The following MTHFD2L variants were observed in gnomAD, a reference collection of about 807,000 sequenced individuals.
MTHFD2L encodes the protein bifunctional methylenetetrahydrofolate dehydrogenase/cyclohydrolase 2, mitochondrial.
Under a neutral mutation model 34.9 loss-of-function variants are expected in MTHFD2L, and 29 were observed. The ratio of observed to expected loss-of-function variants is 0.83; its 90% CI spans 0.62 to 1.13. The LOEUF (loss-of-function observed/expected upper bound fraction) is 1.13, where lower values mean the gene tolerates loss of function less well. Ranked by LOEUF, MTHFD2L falls within the 50% of genes most tolerant of loss-of-function variation. The pLI, the probability that MTHFD2L is intolerant of heterozygous loss-of-function variation, is 0.00. For synonymous variants in MTHFD2L, 167 were observed against 155.7 expected (o/e 1.07, Z -0.54); for missense variants, 481 against 446.5 (o/e 1.08, Z -0.70).
chr4:74,165,722 T>A (rs1726554869), intron 1 of MTHFD2L, among the ~76,000 whole-genome samples: 1 of 152,218 alleles, frequency 6.6e-6, no homozygotes, highest in Non-Finnish European at 1.5e-5. Flanking sequence ...AATCTTTGCT[T>A]TAGACAATGG....
chr4:74,197,380 A>G (rs953099064), intron 3 of MTHFD2L, among the ~76,000 whole-genome samples: 1 of 152,142 alleles, frequency 6.6e-6, no homozygotes, highest in Non-Finnish European at 1.5e-5. Context: ...AGGAAGTAGG[A>G]TTACCTGTAA....
intron 2 of MTHFD2L, among the ~76,000 whole-genome samples, chr4:74,117,752 G>A (rs1162359030): frequency 6.6e-6 from 1 of 152,180 alleles, no homozygotes; most frequent in Non-Finnish European, 1.5e-5. Flanking sequence ...GCACACAGAT[G>A]TAAACACTCT....
At chr4:74,165,522 TA>T (rs1180013259) in intron 1 of MTHFD2L, among the ~76,000 whole-genome samples, 13 of 152,156 alleles carry the variant, frequency 8.5e-5, no homozygotes, top group African/African-American at 2.9e-4. Context: ...CACGCCCAGC[TA>T]ATTTTTCTAT....
chr4:74,239,717 G>C (rs891490816), intron 6 of MTHFD2L, among the ~76,000 whole-genome samples: 2 of 152,114 alleles, frequency 1.3e-5, no homozygotes, highest in Non-Finnish European at 2.9e-5. Flanking sequence ...AATTCACTTA[G>C]AATTTTATTA....
chr4:74,148,713 T>C (rs1723757506), intron 1 of MTHFD2L, among the ~76,000 whole-genome samples: 1 of 147,208 alleles, frequency 6.8e-6, no homozygotes, highest in African/African-American at 2.4e-5. Context: ...ACGTATCTTA[T>C]GACCCTACAA....
At chr4:74,126,462 G>A (rs1560400660) in intron 1 of MTHFD2L, among the ~76,000 whole-genome samples, 1 of 152,000 alleles carries the variant, frequency 6.6e-6, no homozygotes, top group Non-Finnish European at 1.5e-5. Flanking sequence ...ATCCTAGTGA[G>A]GAGTAAACAT....
upstream of MTHFD2L, among the ~76,000 whole-genome samples, chr4:74,155,352 G>A (rs1399834142): frequency 6.6e-6 from 1 of 151,936 alleles, no homozygotes. Flanking sequence ...TGTTATGTCG[G>A]TTCTTAGCAT....
chr4:74,296,665 C>A (rs1749674777), intron 7 of MTHFD2L, among the ~76,000 whole-genome samples: 1 of 152,016 alleles, frequency 6.6e-6, no homozygotes, highest in Non-Finnish European at 1.5e-5. Flanking sequence ...TATAACATTC[C>A]TTTCCCACCG....
chr4:74,229,704 C>A (rs1348079470), intron 6 of MTHFD2L, among the ~76,000 whole-genome samples: 1 of 152,082 alleles, frequency 6.6e-6, no homozygotes, highest in African/African-American at 2.4e-5. Flanking sequence ...ATATCACTCA[C>A]CTTTTTAAAA....
At chr4:74,242,139 G>T (rs1741809676) in intron 6 of MTHFD2L, 2 of 152,000 alleles carry the variant, frequency 1.3e-5, no homozygotes, top group Non-Finnish European at 2.9e-5. Context: ...TCTTACAATG[G>T]ATGTGAATCT....
At chr4:74,209,799 A>T (rs1735988593) in intron 5 of MTHFD2L, among the ~76,000 whole-genome samples, 2 of 152,180 alleles carry the variant, frequency 1.3e-5, no homozygotes, top group South Asian at 4.1e-4. Context: ...GAACTAATTT[A>T]CACTCCCACC....
chr4:74,128,152 C>T (rs1006853346), intron 1 of MTHFD2L, among the ~76,000 whole-genome samples: 1 of 152,022 alleles, frequency 6.6e-6, no homozygotes, highest in African/African-American at 2.4e-5. Flanking sequence ...GTTACTAATA[C>T]TTGTGAAATG....
chr4:74,268,333 T>C (rs548865446), intron 6 of MTHFD2L: 3 of 822,954 alleles, frequency 3.6e-6, no homozygotes, highest in East Asian at 2.5e-4. Context: ...TCTTTATTTA[T>C]GTAGTAGGAC....
At chr4:74,264,545 G>T (rs1396717083) in intron 6 of MTHFD2L, among the ~76,000 whole-genome samples, 3 of 151,752 alleles carry the variant, frequency 2.0e-5, no homozygotes, top group Admixed American at 2.0e-4. Context: ...ATAAAGGAAT[G>T]AGAAAAAATT....
At chr4:74,241,443 G>T in intron 6 of MTHFD2L, 2 of 175,030 alleles carry the variant, frequency 1.1e-5, no homozygotes, top group Non-Finnish European at 2.5e-5. Context: ...TCCCATGCTG[G>T]AGTGCAGTGG....
intron 6 of MTHFD2L, among the ~76,000 whole-genome samples, chr4:74,241,262 G>A (rs1181379802): frequency 1.3e-5 from 2 of 152,046 alleles, no homozygotes; most frequent in East Asian, 1.9e-4. Context: ...CAAGCCCGTC[G>A]AATTATCCAG....
intron 1 of MTHFD2L, among the ~76,000 whole-genome samples, chr4:74,164,467 C>T (rs2109912224): frequency 6.6e-6 from 1 of 152,240 alleles, no homozygotes; most frequent in African/African-American, 2.4e-5. Flanking sequence ...TACAAGTAAA[C>T]AAGCCCATGG....
intron 3 of MTHFD2L, among the ~76,000 whole-genome samples, chr4:74,187,361 G>A (rs184278733): frequency 1.6e-4 from 24 of 152,202 alleles, no homozygotes; most frequent in Middle Eastern, 3.4e-3. Flanking sequence ...CAGGAGAAGA[G>A]AAAACAGGAC....
chr4:74,290,170 A>G (rs181018059), intron 7 of MTHFD2L, among the ~76,000 whole-genome samples: 3 of 152,342 alleles, frequency 2.0e-5, no homozygotes, highest in East Asian at 1.9e-4. Context: ...TTGAGACTCC[A>G]TCTGGCGAAA....
Sources: gnomAD v4.1 joint callset for allele counts (sites outside exome capture counted in the v4.1 genomes callset) on GRCh38, gnomAD v4.1.1 for gene constraint, MANE v1.5 for transcripts, NCBI Gene and HGNC (gene_info 2026-07-23, HGNC 2026-07-21) for gene names.